Variants in ZNF555 observed in about 807,000 individuals in gnomAD.
ZNF555 encodes the protein zinc finger protein 555.
A neutral mutation model predicts 14.0 loss-of-function variants in ZNF555; 10 were observed. The ratio of observed to expected loss-of-function variants is 0.72; its 90% CI spans 0.44 to 1.21. ZNF555 has a LOEUF of 1.21. Ranked by LOEUF, ZNF555 falls within the 50% of genes most tolerant of loss-of-function variation. The pLI is 0.00. For synonymous variants in ZNF555, 277 were observed against 262.4 expected (o/e 1.06, Z -0.54); for missense variants, 747 against 762.0 (o/e 0.98, Z 0.23).
chr19:2,851,155 C>T (rs1326900274), intron 2 of ZNF555, among the ~76,000 whole-genome samples: 2 of 151,884 alleles, frequency 1.3e-5, no homozygotes, highest in African/African-American at 4.8e-5. Flanking sequence ...GCGCCACCAT[C>T]CCTGGCCAAT....
At chr19:2,849,078 C>G (rs1162672158) in intron 1 of ZNF555, among the ~76,000 whole-genome samples, 2 of 152,212 alleles carry the variant, frequency 1.3e-5, no homozygotes, top group Non-Finnish European at 2.9e-5. Context: ...CTCATATTGT[C>G]CCCTGTGCCA....
intron 1 of ZNF555, among the ~76,000 whole-genome samples, chr19:2,845,095 G>A (rs565851334): frequency 1.3e-5 from 2 of 152,332 alleles, no homozygotes; most frequent in South Asian, 4.1e-4. Context: ...TAGCCATGAG[G>A]AAGGGTGTCA....
chr19:2,841,664 CG>C lies in ZNF555; in HGVS notation c.3+95del, dbSNP rs1006953100. 34 of 1,371,436 alleles carry C rather than the reference CG, an allele frequency of 2.5e-5. 1 individual carries two copies. Among genetic ancestry groups the C allele is most frequent in the African/African-American group, 1.4e-4 (9 of 65,062 alleles). 85.0% of individuals were successfully genotyped at this position (1,371,436 alleles called of 1,614,324 possible). A position where few individuals can be genotyped will look rare whatever the true frequency, so the allele number is the denominator to read the frequency against. Reference sequence around the variant, plus strand: ...GCGGCTTGGGGGGAGCTGAGGGACGCGGGGGGCGGCCCCGGCGAGGGCGGCG... The same window carrying C: ...GCGGCTTGGGGGGAGCTGAGGGACGCGGGGGCGGCCCCGGCGAGGGCGGCG... On this transcript the variant is annotated intron_variant, in intron 1 of 3. Coordinates refer to ENST00000334241, the MANE Select transcript of ZNF555 (RefSeq NM_152791.5).
In ZNF555 at chr19:2,859,523, G is replaced by A. The variant is rs2087714044; in HGVS notation, c.*5571G>A. The A allele has an allele frequency of 6.6e-6, 1 of 152,322 alleles. No homozygotes were observed. The highest frequency in any genetic ancestry group is 1.5e-5 in the Non-Finnish European group (1 of 68,172). 9.4% of individuals were successfully genotyped at this position (152,322 alleles called of 1,614,324 possible). On this transcript the variant is annotated 3_prime_UTR_variant, in exon 4 of 4. Transcript: ENST00000334241. ...GACTGCAAAAAAGGACAGGGCAGCT[G>A]GGCGAGGAAGAGATACCAGTGATGT...
chr19:2,853,030 G>T lies in ZNF555; in HGVS notation c.965G>T (p.Ser322Ile). 1 of 1,614,060 alleles carries T rather than the reference G, an allele frequency of 6.2e-7. No individual in the cohort carries two copies. The highest frequency in any genetic ancestry group is 8.5e-7 in the Non-Finnish European group (1 of 1,179,992). The change falls in exon 4 of 4, where the codon AGT becomes ATT. Residue 322 changes from serine (S) to isoleucine (I), a missense_variant. Coordinates refer to ENST00000334241, the MANE Select transcript of ZNF555 (RefSeq NM_152791.5). Reference protein sequence around the residue: ...HKCKECGEAFSYSSAFRRHMI... With the variant: ...HKCKECGEAFIYSSAFRRHMI... Reference sequence around the variant, plus strand: ...TGTAAAGAATGTGGGGAGGCCTTCAGTTATTCTTCGGCTTTTCGAAGACAC... The same window carrying T: ...TGTAAAGAATGTGGGGAGGCCTTCATTTATTCTTCGGCTTTTCGAAGACAC...
chr19:2,847,792 C>T (rs1375332731), intron 1 of ZNF555, among the ~76,000 whole-genome samples: 3 of 152,142 alleles, frequency 2.0e-5, no homozygotes, highest in South Asian at 2.1e-4. Context: ...AATTAGGACA[C>T]GGACATATCT....
rs750555626 is a variant in ZNF555 at position 2,852,957 on chromosome 19, A to C, written c.892A>C (p.Thr298Pro). 1.9e-6 allele frequency: 3 copies of C among 1,614,242 alleles called. No homozygotes were observed. The South Asian group carries it at 3.3e-5, about 18-fold the overall frequency. ...TGCGGAAGCCTTTAGTTATTCCTCA[A>C]CTTTTCGAAGACATATGATTTCACA... is the stretch of plus-strand genomic sequence containing the variant. ...ECAEAFSYSS[T>P]FRRHMISHTG... Residue 298 changes from threonine (T) to proline (P), a missense_variant, in exon 4 of 4, where the codon ACT (threonine) becomes CCT (proline). By Grantham distance (38) the Thr-to-Pro change is conservative. Transcript: ENST00000334241.
Position 2,852,998 on chromosome 19 carries a change from A to C in ZNF555, c.933A>C (p.Pro311=), listed in dbSNP as rs1490998025. 1 of 1,613,740 alleles carries C rather than the reference A, an allele frequency of 6.2e-7. No individual in the cohort carries two copies. Among genetic ancestry groups the C allele is most frequent in the East Asian group, 2.2e-5 (1 of 44,868 alleles). Residue 311 remains proline (P), a synonymous_variant, in exon 4 of 4, where the codon CCA becomes CCC. Coordinates refer to ENST00000334241, the MANE Select transcript of ZNF555 (RefSeq NM_152791.5). ...TGATTTCACACACTGGAGAGAAGCC[A>C]CATAAATGTAAAGAATGTGGGGAGG... The part of the protein sequence containing the change: ...RHMISHTGEK[P]HKCKECGEAF...
In ZNF555 at chr19:2,855,049, A is replaced by G. The variant is rs1053336270; in HGVS notation, c.*1097A>G. 1 of 152,212 alleles carries G rather than the reference A, an allele frequency of 6.6e-6. No homozygotes were observed. The highest frequency in any genetic ancestry group is 1.5e-5 in the Non-Finnish European group (1 of 68,044). 9.4% of individuals were successfully genotyped at this position (152,212 alleles called of 1,614,324 possible). On this transcript the variant is annotated 3_prime_UTR_variant, in exon 4 of 4. Transcript: ENST00000334241. ...AGCCACAGTGTTGCAGTCAAAGAAGAAAAACAACACATGGGACTTTGTACC... is the reference window on the plus strand; with the variant it reads ...AGCCACAGTGTTGCAGTCAAAGAAGGAAAACAACACATGGGACTTTGTACC...
chr19:2,857,578 G>A lies in ZNF555; in HGVS notation c.*3626G>A, dbSNP rs1416458410. On this transcript the variant is annotated 3_prime_UTR_variant, in exon 4 of 4. Transcript: ENST00000334241. ...TTAAGAGTGTTCTGTCATGATTGTA[G>A]TGGTGAAAACAAGCATTTGCAAAAA... 6.6e-6 allele frequency: 1 copy of A among 152,162 alleles called. No individual in the cohort carries two copies. Among genetic ancestry groups the A allele is most frequent in the Non-Finnish European group, 1.5e-5 (1 of 68,022 alleles). 9.4% of individuals were successfully genotyped at this position (152,162 alleles called of 1,614,324 possible). A position where few individuals can be genotyped will look rare whatever the true frequency, so the allele number is the denominator to read the frequency against.
intron 1 of ZNF555, among the ~76,000 whole-genome samples, chr19:2,846,668 TC>T (rs1188590780): frequency 6.6e-6 from 1 of 152,180 alleles, no homozygotes; most frequent in Admixed American, 6.5e-5. Flanking sequence ...AGTTCAGAAT[TC>T]CATAAAACAC....
In ZNF555 at chr19:2,846,116, TC is replaced by T. The variant is rs2087580268; in HGVS notation, c.4-4469del. The stretch of plus-strand genomic sequence containing the variant: ...GTGTAGACCGAATAATTCAGTTTAG[TC>T]CTCAGTTTCAGAGGCTCTGCCTGAG... On this transcript the variant is annotated intron_variant, in intron 1 of 3. Coordinates refer to ENST00000334241, the MANE Select transcript of ZNF555 (RefSeq NM_152791.5). 3.3e-5 allele frequency among the ~76,000 whole-genome samples: 5 copies of T among 152,298 alleles called. No individual in the cohort carries two copies. In the South Asian group the frequency reaches 1.0e-3, roughly 32 times the overall value.
rs1433040365 is a variant in ZNF555, at chr19:2,860,313, T to C, written c.*6361T>C. On this transcript the variant is annotated 3_prime_UTR_variant, in exon 4 of 4. Coordinates refer to ENST00000334241, the MANE Select transcript of ZNF555 (RefSeq NM_152791.5). ...AGGAAAGAGTGTCTGTGAATGTCCA[T>C]GTGTCTCACTGCACAGCTGTGATTT... 6.6e-6 allele frequency: 1 copy of C among 152,036 alleles called. No individual in the cohort carries two copies. Among genetic ancestry groups the C allele is most frequent in the East Asian group, 1.9e-4 (1 of 5,180 alleles). The allele number at this position is 152,036 out of a possible 1,614,324, so 9.4% of individuals were successfully genotyped here.
At chr19:2,852,260 C>T (rs2087636460) in intron 3 of ZNF555, 120 bp from the exon 4 acceptor site, 7 of 1,185,480 alleles carry the variant, frequency 5.9e-6, no homozygotes, top group South Asian at 1.5e-5. Context: ...CATTTTCAGA[C>T]AGTTCCCATG....
In ZNF555 at chr19:2,843,946, G is replaced by A. The variant is rs2087559874; in HGVS notation, c.3+2371G>A. Among the ~76,000 whole-genome samples, 3 of 152,224 alleles carry A rather than the reference G, an allele frequency of 2.0e-5. No homozygotes were observed. The South Asian group carries it at 6.2e-4, about 32-fold the overall frequency. ...TGCAGTGGTGCTGTCTCGGCTCATTGCAATCTCTGCCTACTGGGTTCAAGT... is the reference window on the plus strand; with the variant it reads ...TGCAGTGGTGCTGTCTCGGCTCATTACAATCTCTGCCTACTGGGTTCAAGT... On this transcript the variant is annotated intron_variant, in intron 1 of 3. Coordinates refer to ENST00000334241, the MANE Select transcript of ZNF555 (RefSeq NM_152791.5).
intron 1 of ZNF555, among the ~76,000 whole-genome samples, chr19:2,842,929 G>C (rs2087550440): frequency 6.6e-6 from 1 of 152,076 alleles, no homozygotes; most frequent in South Asian, 2.1e-4. Flanking sequence ...TGTAGTCCCA[G>C]CTACTCGGGA....
rs1373215271 is a variant in ZNF555 at position 2,857,069 on chromosome 19, A to G, written c.*3117A>G. 1.3e-5 allele frequency: 2 copies of G among 152,208 alleles called. No individual in the cohort carries two copies. The highest frequency in any genetic ancestry group is 4.8e-5 in the African/African-American group (2 of 41,454). The allele number at this position is 152,208 out of a possible 1,614,324, so 9.4% of individuals were successfully genotyped here. On this transcript the variant is annotated 3_prime_UTR_variant, in exon 4 of 4. Coordinates refer to ENST00000334241, the MANE Select transcript of ZNF555 (RefSeq NM_152791.5). ...TTAAGTTTTCTCAGGTATCATTTCAACCTCTGAACTTCCAGAATTAACTAG... is the reference window on the plus strand; with the variant it reads ...TTAAGTTTTCTCAGGTATCATTTCAGCCTCTGAACTTCCAGAATTAACTAG...
rs2087687701 is a variant in ZNF555, at chr19:2,856,923, G to A, written c.*2971G>A. On this transcript the variant is annotated 3_prime_UTR_variant, in exon 4 of 4. Transcript: ENST00000334241. Reference sequence around the variant, plus strand: ...TTGATGGTTTTTGTGGTTTAGAGGTGAGTTCCGGAAAAAAAGAAGACATGT... The same window carrying A: ...TTGATGGTTTTTGTGGTTTAGAGGTAAGTTCCGGAAAAAAAGAAGACATGT... The A allele has an allele frequency of 6.6e-6, 1 of 152,104 alleles. No individual in the cohort carries two copies. The highest frequency in any genetic ancestry group is 6.5e-5 in the Admixed American group (1 of 15,272). The allele number at this position is 152,104 out of a possible 1,614,324, so 9.4% of individuals were successfully genotyped here. A position where few individuals can be genotyped will look rare whatever the true frequency, so the allele number is the denominator to read the frequency against.
intron 1 of ZNF555, among the ~76,000 whole-genome samples, chr19:2,848,607 C>G (rs181920615): frequency 6.6e-6 from 1 of 152,118 alleles, no homozygotes; most frequent in East Asian, 1.9e-4. Flanking sequence ...TGCCACCACG[C>G]CCGGCTAATT....
Sources: allele counts gnomAD v4.1 joint callset (sites outside exome capture counted in the v4.1 genomes callset), GRCh38; gene constraint gnomAD v4.1.1; transcripts MANE v1.5; gene names NCBI Gene and HGNC (gene_info 2026-07-23, HGNC 2026-07-21).